The following GPLD1 variants were observed in gnomAD, a reference collection of about 807,000 sequenced individuals.
GPLD1 encodes the protein phosphatidylinositol-glycan-specific phospholipase D.
GPLD1 carries 84 observed loss-of-function variants against 112.6 expected under a neutral mutation model. The observed-to-expected ratio is 0.75, with a 90% CI of 0.63 to 0.89. The LOEUF (loss-of-function observed/expected upper bound fraction) is 0.89, where lower values mean the gene tolerates loss of function less well. Among genes scored for constraint, GPLD1 ranks in the 40% least tolerant of loss-of-function variants. The pLI is 0.00. For synonymous variants in GPLD1, 386 were observed against 403.8 expected, an observed-to-expected ratio of 0.96 and a Z score of 0.53; for missense variants, 1,044 against 1,051.5, an observed-to-expected ratio of 0.99 and a Z score of 0.10.
intron 24 of GPLD1, among the ~76,000 whole-genome samples, chr6:24,429,677 AG>A (rs1762341223): frequency 6.6e-6 from 1 of 152,166 alleles, no homozygotes; most frequent in Non-Finnish European, 1.5e-5. Flanking sequence ...CCTCCCGAGT[AG>A]CGGAGATTAC....
chr6:24,438,886 A>C (rs912477047), intron 20 of GPLD1, among the ~76,000 whole-genome samples: 2 of 152,140 alleles, frequency 1.3e-5, no homozygotes, highest in Non-Finnish European at 2.9e-5. Context: ...TCCTGGGTTC[A>C]AGCGATTCTC....
intron 13 of GPLD1, among the ~76,000 whole-genome samples, chr6:24,454,956 C>T (rs192172621): frequency 0.014 from 2,188 of 152,260 alleles, 45 homozygotes; most frequent in Admixed American, 0.059. Flanking sequence ...CAGTGAAATG[C>T]TGTCTCTACT....
chr6:24,491,003 A>C (rs1764543081), upstream of GPLD1, among the ~76,000 whole-genome samples: 1 of 152,180 alleles, frequency 6.6e-6, no homozygotes, highest in Non-Finnish European at 1.5e-5. Context: ...CTTTTTCTAA[A>C]TGAGAAAATT....
intron 7 of GPLD1, among the ~76,000 whole-genome samples, chr6:24,470,144 T>G (rs999167397): frequency 2.0e-5 from 3 of 152,026 alleles, no homozygotes; most frequent in Non-Finnish European, 4.4e-5. Context: ...TTGTTTGTTT[T>G]TTTGAGATGG....
chr6:24,434,509 T>G (rs1762507334), intron 22 of GPLD1, among the ~76,000 whole-genome samples: 1 of 151,778 alleles, frequency 6.6e-6, no homozygotes, highest in African/African-American at 2.4e-5. Flanking sequence ...TAGAATCAGA[T>G]CTTGGTTCAA....
chr6:24,434,116 G>A (rs1338310695), intron 22 of GPLD1, among the ~76,000 whole-genome samples: 3 of 152,002 alleles, frequency 2.0e-5, no homozygotes, highest in Non-Finnish European at 4.4e-5. Flanking sequence ...ATCAAGTTAC[G>A]GCCAGGCACA....
chr6:24,473,569 A>G (rs770586306), intron 6 of GPLD1, 50 bp downstream of exon 6: 3 of 1,143,026 alleles, frequency 2.6e-6, no homozygotes, highest in Admixed American at 3.4e-5. Flanking sequence ...TGATGTCATT[A>G]TAAGTGAACT....
chr6:24,481,130 T>C (rs959415927), intron 2 of GPLD1, among the ~76,000 whole-genome samples: 1 of 152,198 alleles, frequency 6.6e-6, no homozygotes, highest in Non-Finnish European at 1.5e-5. Context: ...TAGCAGCTCC[T>C]TGACAGGCCA....
chr6:24,454,583 C>T (rs1045470253), intron 13 of GPLD1, among the ~76,000 whole-genome samples: 1 of 152,220 alleles, frequency 6.6e-6, no homozygotes, highest in African/African-American at 2.4e-5. Context: ...CTGATCTGCT[C>T]AATTCGTTTC....
chr6:24,493,468 T>C (rs1268625891), upstream of GPLD1, among the ~76,000 whole-genome samples: 2 of 152,118 alleles, frequency 1.3e-5, no homozygotes, highest in African/African-American at 4.8e-5. Context: ...AGAATGAGTC[T>C]GTCGGTCTCA....
intron 20 of GPLD1, 62 bp from the exon 21 acceptor site, chr6:24,437,351 A>C: frequency 6.9e-7 from 1 of 1,458,756 alleles, no homozygotes; most frequent in Non-Finnish European, 9.5e-7. Flanking sequence ...AACACGGAAT[A>C]GCACCCCATC....
chr6:24,494,338 G>A (rs1216289536), upstream of GPLD1, among the ~76,000 whole-genome samples: 1 of 152,178 alleles, frequency 6.6e-6, no homozygotes, highest in South Asian at 2.1e-4. Flanking sequence ...ACTTGAGTTT[G>A]GATCCTAGTC....
chr6:24,453,357 C>T (rs542596215), intron 14 of GPLD1, among the ~76,000 whole-genome samples: 17 of 152,170 alleles, frequency 1.1e-4, no homozygotes, highest in Admixed American at 2.6e-4. Flanking sequence ...AAATTCTGGA[C>T]GGATGCAGTG....
At chr6:24,472,004 C>A (rs1042219823) in intron 7 of GPLD1, among the ~76,000 whole-genome samples, 1 of 151,920 alleles carries the variant, frequency 6.6e-6, no homozygotes, top group Non-Finnish European at 1.5e-5. Context: ...AGTGAAAGGA[C>A]ATACCACAAA....
At position 24,476,213 on chromosome 6, in the gene GPLD1, T is replaced by C; in HGVS notation, c.298A>G (p.Ile100Val). The part of the protein sequence containing the change: ...TPFLNASVHY[I>V]RENYPLPWEK... ...CAGGGAAGGGGATAGTTCTCTCGGA[T>C]ATAATGAACGCTTGCATTAAGAAAC... The change falls in exon 4 of 25, where the codon ATC (isoleucine) becomes GTC (valine). Residue 100 changes from isoleucine to valine, a missense_variant. Coordinates refer to ENST00000230036, the MANE Select transcript of GPLD1 (RefSeq NM_001503.4). The C allele has an allele frequency of 6.4e-7, 1 of 1,572,126 alleles. No homozygotes were observed. Among genetic ancestry groups the C allele is most frequent in the Non-Finnish European group, 8.7e-7 (1 of 1,152,906 alleles).
chr6:24,484,372 C>T (rs1050617979), intron 2 of GPLD1, among the ~76,000 whole-genome samples: 9 of 152,072 alleles, frequency 5.9e-5, no homozygotes, highest in East Asian at 1.9e-4. Flanking sequence ...TCTGCCACCA[C>T]GGCCAGCTAA....
Position 24,433,370 on chromosome 6 carries a change from G to T in GPLD1, c.2378C>A (p.Ser793Tyr). Reference protein sequence around the residue: ...PEEKAQYVLISPEASSRFGSS... With the variant: ...PEEKAQYVLIYPEASSRFGSS... ...CTTTCAAGGGATACTTACTTCAGGA[G>T]AAATCAATACATATTGGGCCTGAAG... The change falls in exon 23 of 25, where the codon TCT becomes TAT. Residue 793 changes from serine (S) to tyrosine (Y), a missense_variant. Coordinates refer to ENST00000230036, the MANE Select transcript of GPLD1 (RefSeq NM_001503.4). 6.2e-7 allele frequency: 1 copy of T among 1,607,220 alleles called. No homozygotes were observed. The highest frequency in any genetic ancestry group is 1.1e-5 in the South Asian group (1 of 90,910).
At chr6:24,476,472 C>T (rs114411164) in intron 3 of GPLD1, among the ~76,000 whole-genome samples, 194 bp from the exon 4 acceptor site, 3,600 of 152,222 alleles carry the variant, frequency 0.024, 67 homozygotes, top group Non-Finnish European at 0.034. Context: ...ACGCGTGGTA[C>T]TGTCTGCCTG....
intron 4 of GPLD1, among the ~76,000 whole-genome samples, chr6:24,475,688 CAAAAAAAAA>C (rs35291266): frequency 1.8e-5 from 2 of 113,282 alleles, no homozygotes; most frequent in Admixed American, 9.4e-5. Flanking sequence ...ACTAAAAATA[CAAAAAAAAA>C]AAAAAAAAAA....
Sources: allele counts gnomAD v4.1 joint callset (sites outside exome capture counted in the v4.1 genomes callset), GRCh38; gene constraint gnomAD v4.1.1; transcripts MANE v1.5; gene names NCBI Gene and HGNC (gene_info 2026-07-23, HGNC 2026-07-21).